ZNF407: variants seen among roughly 807,000 people sequenced by gnomAD.
ZNF407 encodes the protein zinc finger protein 407.
A neutral mutation model predicts 131.2 loss-of-function variants in ZNF407; 17 were observed. The ratio of observed to expected loss-of-function variants is 0.13; its 90% CI spans 0.09 to 0.19. The LOEUF is 0.19. ZNF407 is among the 10% of genes least tolerant of loss of function. ZNF407 has a pLI of 1.00. For synonymous variants in ZNF407, 1,156 were observed against 1,062.0 expected (o/e 1.09, Z -1.72); for missense variants, 2,681 against 2,830.6 (o/e 0.95, Z 1.20).
At chr18:75,025,594 C>T (rs905825084) in intron 8 of ZNF407, among the ~76,000 whole-genome samples, 10 of 152,170 alleles carry the variant, frequency 6.6e-5, no homozygotes, top group Non-Finnish European at 1.5e-4. Flanking sequence ...ACCTTTTCCC[C>T]ACCACCTCTC....
intron 4 of ZNF407, among the ~76,000 whole-genome samples, chr18:74,788,891 T>A (rs1969772888): frequency 6.6e-6 from 1 of 151,412 alleles, no homozygotes; most frequent in Admixed American, 6.6e-5. Context: ...TACTGATTAT[T>A]ATATAGTTAT....
At chr18:74,806,216 G>A (rs1021127042) in intron 4 of ZNF407, among the ~76,000 whole-genome samples, 8 of 152,342 alleles carry the variant, frequency 5.3e-5, no homozygotes, top group South Asian at 4.1e-4. Flanking sequence ...TGGCTAGGCC[G>A]CGCCCCTTAC....
intron 3 of ZNF407, among the ~76,000 whole-genome samples, chr18:74,744,959 A>G (rs1445101147): frequency 6.6e-6 from 1 of 152,054 alleles, no homozygotes; most frequent in African/African-American, 2.4e-5. Context: ...TACCATGTCC[A>G]TCCATGGTAA....
chr18:74,930,625 C>G (rs1031681640), intron 8 of ZNF407, among the ~76,000 whole-genome samples: 1 of 152,002 alleles, frequency 6.6e-6, no homozygotes. Context: ...GTTCTTCATT[C>G]TATTTCTTTT....
Position 75,064,072 on chromosome 18 carries a change from C to T in ZNF407, c.6351C>T (p.Ala2117=), listed in dbSNP as rs1334685822. 7.6e-6 allele frequency: 12 copies of T among 1,588,826 alleles called. No homozygotes were observed. Among genetic ancestry groups the T allele is most frequent in the East Asian group, 4.6e-5 (2 of 43,232 alleles). The change falls in exon 9 of 9, where the codon GCC becomes GCT. Residue 2117 remains alanine, a synonymous_variant. Transcript: ENST00000299687. The part of the protein sequence containing the change: ...VSEEGAVHMV[A]GEGAQIIMQE... Reference sequence around the variant, plus strand: ...AAGAGGGTGCCGTCCACATGGTCGCCGGGGAGGGTGCCCAGATCATCATGC... The same window carrying T: ...AAGAGGGTGCCGTCCACATGGTCGCTGGGGAGGGTGCCCAGATCATCATGC...
chr18:74,640,964 G>A (rs1984684430), intron 2 of ZNF407, 44 bp from the exon 3 acceptor site: 2 of 1,392,076 alleles, frequency 1.4e-6, no homozygotes, highest in South Asian at 2.3e-5. Flanking sequence ...TATTGGTGAT[G>A]TATTATTCAA....
In ZNF407 at chr18:74,703,369, C is replaced by G. The variant is rs112603455; in HGVS notation, c.4802+62247C>G. Among the ~76,000 whole-genome samples the G allele has an allele frequency of 2.8e-5, 4 of 143,658 alleles. No individual in the cohort carries two copies. Among genetic ancestry groups the G allele is most frequent in the Admixed American group, 6.8e-5 (1 of 14,684 alleles). 94.2% of individuals were successfully genotyped at this position (143,658 alleles called of 152,430 possible). ...CATGTGTGTCTCTGTCTCTGTCTCT[C>G]TCTCTCTCTTTTCTGAGATGGAGTT... On this transcript the variant is annotated intron_variant, in intron 3 of 8. Transcript: ENST00000299687. This position sits in a 1 kb window ranked among gnomAD's most constrained non-coding sequence, Gnocchi z 4.1.
chr18:74,702,741 A>G (rs956985473), intron 3 of ZNF407, among the ~76,000 whole-genome samples: 4 of 152,202 alleles, frequency 2.6e-5, no homozygotes, highest in African/African-American at 9.7e-5. Context: ...ATTGATATGC[A>G]TACGTATATT....
chr18:74,919,716 G>C (rs915416221), intron 7 of ZNF407, among the ~76,000 whole-genome samples: 1 of 152,320 alleles, frequency 6.6e-6, no homozygotes, highest in African/African-American at 2.4e-5. Flanking sequence ...TGTGTATTCA[G>C]AAAGAGTCTA....
At chr18:75,037,117 G>A (rs1011630197) in intron 8 of ZNF407, among the ~76,000 whole-genome samples, 1 of 152,200 alleles carries the variant, frequency 6.6e-6, no homozygotes, top group Non-Finnish European at 1.5e-5. Flanking sequence ...CAGCTTGTCA[G>A]TTTAAAGATG....
intron 4 of ZNF407, among the ~76,000 whole-genome samples, chr18:74,859,510 A>C (rs751310201): frequency 4.6e-5 from 7 of 152,182 alleles, no homozygotes; most frequent in African/African-American, 7.2e-5. Flanking sequence ...GTGTTTCATA[A>C]AATCATTAAT....
intron 8 of ZNF407, among the ~76,000 whole-genome samples, chr18:74,995,186 C>G (rs1047141083): frequency 6.6e-6 from 1 of 152,130 alleles, no homozygotes; most frequent in African/African-American, 2.4e-5. Context: ...GGAGCTAGAT[C>G]TGCGTGACTG....
chr18:74,846,909 A>T (rs1326801095), intron 4 of ZNF407, among the ~76,000 whole-genome samples: 1 of 151,694 alleles, frequency 6.6e-6, no homozygotes, highest in African/African-American at 2.4e-5. Flanking sequence ...CAGGAGAATC[A>T]CTTGAACCCA....
At chr18:74,726,949 ATCTGTGGAC>A (rs1968172357) in intron 3 of ZNF407, among the ~76,000 whole-genome samples, 1 of 152,182 alleles carries the variant, frequency 6.6e-6, no homozygotes, top group African/African-American at 2.4e-5. Flanking sequence ...AAGATAGTCA[ATCTGTGGAC>A]AAGTATAGGG....
intron 8 of ZNF407, among the ~76,000 whole-genome samples, chr18:74,954,631 G>A (rs1189844995): frequency 1.3e-5 from 2 of 151,996 alleles, no homozygotes; most frequent in Non-Finnish European, 2.9e-5. Context: ...ACTAAGCAGT[G>A]AAGTTATATT....
In ZNF407 at chr18:74,641,090, T is replaced by C; in HGVS notation, c.4770T>C (p.Leu1590=). The C allele has an allele frequency of 6.2e-7, 1 of 1,613,348 alleles. No homozygotes were observed. Among genetic ancestry groups the C allele is most frequent in the Non-Finnish European group, 8.5e-7 (1 of 1,179,422 alleles). Residue 1590 remains leucine (L), a synonymous_variant, in exon 3 of 9, where the codon CTT becomes CTC. Coordinates refer to ENST00000299687, the MANE Select transcript of ZNF407 (RefSeq NM_017757.3). ...CCAGAAACCATGTGAAAAGGCACCTTGGGATGAGGGAATACAAGTGTCATG... is the reference window on the plus strand; with the variant it reads ...CCAGAAACCATGTGAAAAGGCACCTCGGGATGAGGGAATACAAGTGTCATG... The part of the protein sequence containing the change: ...GDARNHVKRH[L]GMREYKCHVC...
chr18:74,900,440 C>T (rs944799135), intron 7 of ZNF407, among the ~76,000 whole-genome samples: 1 of 152,190 alleles, frequency 6.6e-6, no homozygotes, highest in Non-Finnish European at 1.5e-5. Flanking sequence ...TACCTATACA[C>T]CCCAAAAGGT....
chr18:74,790,793 G>A (rs989859453), intron 4 of ZNF407, among the ~76,000 whole-genome samples: 2 of 152,088 alleles, frequency 1.3e-5, no homozygotes, highest in Non-Finnish European at 2.9e-5. Context: ...ATAAAAGTCC[G>A]AATTAAAATT....
In ZNF407 at chr18:74,881,109, A is replaced by G; in HGVS notation, c.5118A>G (p.Arg1706=). The part of the protein sequence containing the change: ...GTRHALTKHR[R]QHTGEKPFKC... ...GCCACGCCCTCACCAAGCATCGCAG[A>G]CAGCACACAGGTCAGTTCCGATGCT... The change falls in exon 6 of 9, where the codon AGA becomes AGG. Residue 1706 remains arginine, a synonymous_variant. Transcript: ENST00000299687. 6.4e-7 allele frequency: 1 copy of G among 1,573,696 alleles called. No homozygotes were observed. Among genetic ancestry groups the G allele is most frequent in the Non-Finnish European group, 8.6e-7 (1 of 1,159,572 alleles).
Sources: allele counts gnomAD v4.1 joint callset (sites outside exome capture counted in the v4.1 genomes callset), GRCh38; gene constraint gnomAD v4.1.1; non-coding constraint Gnocchi (gnomAD v3.1); transcripts MANE v1.5; gene names NCBI Gene and HGNC (gene_info 2026-07-23, HGNC 2026-07-21).